The following ALDH5A1 variants were observed in gnomAD, a reference collection of about 807,000 sequenced individuals.
The protein encoded by ALDH5A1 is succinate-semialdehyde dehydrogenase, mitochondrial.
A neutral mutation model predicts 54.7 loss-of-function variants in ALDH5A1; 33 were observed. The observed-to-expected ratio is 0.60, with a 90% CI of 0.46 to 0.81. The LOEUF is 0.81. Ranked by LOEUF, ALDH5A1 falls within the 30% of genes least tolerant of loss-of-function variation. ALDH5A1 has a pLI of 0.00. For missense variants in ALDH5A1, 657 were observed against 711.0 expected, an observed-to-expected ratio of 0.92 and a Z score of 0.86; for synonymous variants, 294 against 292.7, an observed-to-expected ratio of 1.00 and a Z score of -0.05.
At position 24,495,195 on chromosome 6, in the gene ALDH5A1, G is replaced by A. The variant is rs904596298; in HGVS notation, c.199G>A (p.Gly67Ser). Residue 67 changes from glycine to serine, a missense_variant, in exon 1 of 10, where the codon GGC (glycine) becomes AGC (serine). Around this residue, in one of 2 missense-constraint regions of ALDH5A1, gnomAD observed 232 missense variants for 194.6 expected, o/e 1.19. Transcript: ENST00000357578. Reference protein sequence around the residue: ...ALLRTDSFVGGRWLPAAATFP... With the variant: ...ALLRTDSFVGSRWLPAAATFP... Reference sequence around the variant, plus strand: ...GCTGCGCACCGACAGCTTCGTGGGCGGCCGCTGGCTCCCGGCCGCCGCCAC... The same window carrying A: ...GCTGCGCACCGACAGCTTCGTGGGCAGCCGCTGGCTCCCGGCCGCCGCCAC... 2.0e-6 allele frequency: 3 copies of A among 1,504,120 alleles called. No homozygotes were observed. The highest frequency in any genetic ancestry group is 2.6e-6 in the Non-Finnish European group (3 of 1,134,312). The allele number at this position is 1,504,120 out of a possible 1,614,324, so 93.2% of individuals were successfully genotyped here. A position where few individuals can be genotyped will look rare whatever the true frequency, so the allele number is the denominator to read the frequency against.
rs118203984 is a variant in ALDH5A1 at position 24,528,049 on chromosome 6, G to A, written c.1226G>A (p.Gly409Asp). 1.4e-5 allele frequency: 23 copies of A among 1,614,036 alleles called. No individual in the cohort carries two copies. Among genetic ancestry groups the A allele is most frequent in the Non-Finnish European group, 1.7e-5 (20 of 1,180,020 alleles). The change falls in exon 8 of 10, where the codon GGT becomes GAT. Residue 409 changes from glycine (G) to aspartate (D), a missense_variant. This residue lies in a region of ALDH5A1 where 425 missense variants were observed against 516.4 expected (regional missense o/e 0.82). Coordinates refer to ENST00000357578, the MANE Select transcript of ALDH5A1 (RefSeq NM_001080.3). ...TCTAAAGGTGCCACCGTTGTGACAG[G>A]TGGAAAACGACACCAACTTGGAAAA... is the stretch of plus-strand genomic sequence containing the variant. ...AVSKGATVVT[G>D]GKRHQLGKNF...
chr6:24,522,640 G>A, intron 6 of ALDH5A1, 127 bp from the exon 7 acceptor site: 1 of 1,125,110 alleles, frequency 8.9e-7, no homozygotes, highest in Non-Finnish European at 1.3e-6. Context: ...GAGGAAAATG[G>A]CAGTTTGAGC....
At chr6:24,508,826 G>A (rs961588473) in intron 4 of ALDH5A1, among the ~76,000 whole-genome samples, 3 of 152,100 alleles carry the variant, frequency 2.0e-5, no homozygotes, top group African/African-American at 7.2e-5. Flanking sequence ...CAGGAGTAAG[G>A]TGGTATTGCA....
intron 7 of ALDH5A1, among the ~76,000 whole-genome samples, chr6:24,523,883 T>C (rs1234783106): frequency 2.6e-5 from 4 of 152,150 alleles, no homozygotes; most frequent in Non-Finnish European, 5.9e-5. Flanking sequence ...TAATCCATAC[T>C]ACTAGCTATA....
chr6:24,520,319 A>G, intron 5 of ALDH5A1, 82 bp from the exon 6 acceptor site: 1 of 1,578,268 alleles, frequency 6.3e-7, no homozygotes, highest in East Asian at 2.2e-5. Context: ...TTTTTTCACC[A>G]TTTGGTAATT....
At position 24,509,667 on chromosome 6, in the gene ALDH5A1, A is replaced by G. The variant is rs1759426798; in HGVS notation, c.726+4682A>G. On this transcript the variant is annotated intron_variant, in intron 4 of 9. Transcript: ENST00000357578. The surrounding 1 kb of genome is among the most constrained non-coding windows in gnomAD (Gnocchi z 4.7). ...GTACTTCTGTGGTGTCAGTTGTAAT[A>G]TCTCCCATTTCATTTCTAATTGAGA... is the stretch of plus-strand genomic sequence containing the variant. Among the ~76,000 whole-genome samples the G allele has an allele frequency of 6.6e-6, 1 of 152,054 alleles. No homozygotes were observed. The highest frequency in any genetic ancestry group is 1.9e-4 in the East Asian group (1 of 5,202).
intron 5 of ALDH5A1, among the ~76,000 whole-genome samples, chr6:24,519,768 T>A (rs114526784): frequency 0.051 from 7,702 of 151,776 alleles, 290 homozygotes; most frequent in South Asian, 0.14. Flanking sequence ...TTTTTTTTTT[T>A]AAATGTACAT....
chr6:24,529,965 C>G (rs1759897502), intron 8 of ALDH5A1, among the ~76,000 whole-genome samples: 1 of 152,182 alleles, frequency 6.6e-6, no homozygotes. Context: ...AGCCACCATG[C>G]CCAGCTCATT....
At chr6:24,499,101 C>CAAA (rs35062384) in intron 1 of ALDH5A1, among the ~76,000 whole-genome samples, 2 of 91,254 alleles carry the variant, frequency 2.2e-5, no homozygotes, top group Non-Finnish European at 4.4e-5. Context: ...GACTCTGTCT[C>CAAA]AAAAAAAAAA....
At position 24,515,202 on chromosome 6, in the gene ALDH5A1, C is replaced by T; in HGVS notation, c.762C>T (p.Tyr254=). ...ASQAGIPSGV[Y]NVIPCSRKNA... ...AGGCTGGGATTCCTTCAGGTGTATA[C>T]AATGTTATTCCCTGTTCTCGAAAGA... is the stretch of plus-strand genomic sequence containing the variant. Residue 254 remains tyrosine, a synonymous_variant, in exon 5 of 10, where the codon TAC becomes TAT. Transcript: ENST00000357578. 1.3e-6 allele frequency: 2 copies of T among 1,567,092 alleles called. No homozygotes were observed. The highest frequency in any genetic ancestry group is 1.7e-5 in the Admixed American group (1 of 57,396).
At position 24,520,466 on chromosome 6, in the gene ALDH5A1, A is replaced by G; in HGVS notation, c.936A>G (p.Pro312=). 6.2e-7 allele frequency: 1 copy of G among 1,614,144 alleles called. No homozygotes were observed. The stretch of plus-strand genomic sequence containing the variant: ...CTATGGAGCTGGGCGGCCTTGCTCC[A>G]TTTATAGTATTTGACAGTGCCAACG... The part of the protein sequence containing the change: ...RVSMELGGLA[P]FIVFDSANVD... The change falls in exon 6 of 10, where the codon CCA becomes CCG. Residue 312 remains proline, a synonymous_variant. Coordinates refer to ENST00000357578, the MANE Select transcript of ALDH5A1 (RefSeq NM_001080.3).
intron 1 of ALDH5A1, among the ~76,000 whole-genome samples, chr6:24,499,057 T>C (rs146830531): frequency 0.033 from 4,724 of 142,486 alleles, 124 homozygotes; most frequent in South Asian, 0.13. Flanking sequence ...GCCGAGATCA[T>C]GCCAACTGCA....
intron 4 of ALDH5A1, among the ~76,000 whole-genome samples, chr6:24,506,131 A>T (rs1286462807): frequency 6.6e-6 from 1 of 151,600 alleles, no homozygotes; most frequent in African/African-American, 2.4e-5. Context: ...GTGTACACAC[A>T]CAATAAAATG....
chr6:24,528,700 C>T (rs1466659451), intron 8 of ALDH5A1, among the ~76,000 whole-genome samples: 1 of 150,232 alleles, frequency 6.7e-6, no homozygotes, highest in East Asian at 1.9e-4. Flanking sequence ...TTCTGCTGAA[C>T]TCTTTTTTTT....
chr6:24,495,576 C>T (rs928257331), intron 1 of ALDH5A1, among the ~76,000 whole-genome samples: 1 of 152,184 alleles, frequency 6.6e-6, no homozygotes, highest in African/African-American at 2.4e-5. Context: ...CCTCAAGCCT[C>T]ATCAAGTTAT....
At chr6:24,517,979 A>G (rs751538932) in intron 5 of ALDH5A1, among the ~76,000 whole-genome samples, 19 of 152,204 alleles carry the variant, frequency 1.2e-4, no homozygotes, top group Non-Finnish European at 2.4e-4. Context: ...ATGATACCTC[A>G]TCTCTTCCTC....
rs1764675543 is a variant in ALDH5A1, at chr6:24,495,317, G to A, written c.321G>A (p.Glu107=). The A allele has an allele frequency of 6.5e-7, 1 of 1,533,190 alleles. No homozygotes were observed. Among genetic ancestry groups the A allele is most frequent in the Non-Finnish European group, 8.7e-7 (1 of 1,146,452 alleles). 95.0% of individuals were successfully genotyped at this position (1,533,190 alleles called of 1,614,324 possible). Residue 107 remains glutamate (E), a synonymous_variant, in exon 1 of 10, where the codon GAG becomes GAA. Coordinates refer to ENST00000357578, the MANE Select transcript of ALDH5A1 (RefSeq NM_001080.3). The part of the protein sequence containing the change: ...EARAAVRAAY[E]AFCRWREVSA... ...GCGCCGCCGTGCGCGCTGCCTACGA[G>A]GCTTTCTGCCGCTGGAGGGAGGTCT...
chr6:24,532,128 AGAG>A lies in ALDH5A1; in HGVS notation c.1361_1363del (p.Glu454del), dbSNP rs1759948859. 6.2e-7 allele frequency: 1 copy of A among 1,614,154 alleles called. No homozygotes were observed. On this transcript the variant is annotated inframe_deletion, in exon 9 of 10. Coordinates refer to ENST00000357578, the MANE Select transcript of ALDH5A1 (RefSeq NM_001080.3). ...ATCTTAACTTTGGCAGGTTCGATAC[AGAG>A]GAGGAGGCTATAGCAATCGCTAACG...
Position 24,527,990 on chromosome 6 carries a change from T to C in ALDH5A1, c.1174-7T>C, listed in dbSNP as rs999796055. On this transcript the variant is annotated splice_region_variant and splice_polypyrimidine_tract_variant and intron_variant, in intron 7 of 9. Transcript: ENST00000357578. Reference sequence around the variant, plus strand: ...GTGGAAAGCTTTTTTTCTTCCTCATTACACAGGTGGAGAAACAGGTGAATG... The same window carrying C: ...GTGGAAAGCTTTTTTTCTTCCTCATCACACAGGTGGAGAAACAGGTGAATG... The C allele has an allele frequency of 2.5e-6, 4 of 1,613,932 alleles. No individual in the cohort carries two copies. Among genetic ancestry groups the C allele is most frequent in the Admixed American group, 3.3e-5 (2 of 60,026 alleles).
Sources: gnomAD v4.1 joint callset for allele counts (sites outside exome capture counted in the v4.1 genomes callset) on GRCh38, gnomAD v4.1.1 for gene constraint, gnomAD v4.1.1 regional missense constraint, Gnocchi (gnomAD v3.1) non-coding constraint, MANE v1.5 for transcripts, NCBI Gene and HGNC (gene_info 2026-07-23, HGNC 2026-07-21) for gene names.